Variants in TRIO observed in about 807,000 individuals in gnomAD.
TRIO encodes the protein trio Rho guanine nucleotide exchange factor.
In TRIO, 58 loss-of-function variants were observed where a neutral mutation model predicts 351.9. The observed-to-expected ratio is 0.16, with a 90% CI of 0.13 to 0.21. TRIO has a LOEUF of 0.21. Among genes scored for constraint, TRIO ranks in the 10% least tolerant of loss-of-function variants. The pLI is 1.00. For missense variants in TRIO, 3,201 were observed against 4,027.8 expected, an observed-to-expected ratio of 0.79 and a Z score of 5.56; for synonymous variants, 1,758 against 1,595.7, an observed-to-expected ratio of 1.10 and a Z score of -2.42.
intron 2 of TRIO, among the ~76,000 whole-genome samples, chr5:14,277,536 C>T (rs1735641324): frequency 1.3e-5 from 2 of 152,140 alleles, no homozygotes; most frequent in South Asian, 2.1e-4. Flanking sequence ...ACATCTGTCC[C>T]GCCTGCCTCA....
intron 1 of TRIO, among the ~76,000 whole-genome samples, chr5:14,253,387 G>A (rs79434957): frequency 0.12 from 17,919 of 152,186 alleles, 1,444 homozygotes; most frequent in African/African-American, 0.22. Context: ...GACATCTCTC[G>A]CCCTGTCACC....
At chr5:14,169,261 C>T (rs954260684) in intron 1 of TRIO, among the ~76,000 whole-genome samples, 2 of 149,024 alleles carry the variant, frequency 1.3e-5, no homozygotes, top group East Asian at 3.9e-4. Flanking sequence ...ATTTTTACAT[C>T]ACGTTCTTCC....
At chr5:14,275,924 T>TTA (rs991706288) in intron 2 of TRIO, among the ~76,000 whole-genome samples, 2 of 147,808 alleles carry the variant, frequency 1.4e-5, no homozygotes, top group African/African-American at 4.9e-5. Context: ...ATATGTATGT[T>TTA]TATATATATG....
rs141878606 is a variant in TRIO at position 14,243,633 on chromosome 5, C to T, written c.158-27192C>T. On this transcript the variant is annotated intron_variant, in intron 1 of 56. Transcript: ENST00000344204. ...AAATTATTCCATAGGAGGGTATAAG[C>T]CAAACTAGTTTTTCCCCAGCATTTG... Among the ~76,000 whole-genome samples the T allele has an allele frequency of 1.2e-3, 190 of 152,128 alleles. No homozygotes were observed. In the East Asian group the frequency reaches 0.013, roughly 10 times the overall value.
chr5:14,404,643 C>T (rs374765301), intron 31 of TRIO, among the ~76,000 whole-genome samples: 6 of 152,104 alleles, frequency 3.9e-5, no homozygotes, highest in East Asian at 3.9e-4. Context: ...TTACTTTCCC[C>T]CCGCTTTCCC....
intron 9 of TRIO, among the ~76,000 whole-genome samples, chr5:14,328,321 C>G (rs777467946): frequency 3.9e-5 from 6 of 152,230 alleles, no homozygotes; most frequent in Non-Finnish European, 7.3e-5. Flanking sequence ...GCTCAATACA[C>G]TAGTTAAAAC....
chr5:14,502,483 C>A, intron 53 of TRIO, 96 bp from the exon 54 acceptor site: 2 of 1,255,144 alleles, frequency 1.6e-6, no homozygotes, highest in East Asian at 4.7e-5. Context: ...CCGGTGGCCA[C>A]GCGCAGCTGC....
intron 33 of TRIO, among the ~76,000 whole-genome samples, chr5:14,416,092 G>A (rs1749618502): frequency 6.6e-6 from 1 of 150,606 alleles, no homozygotes; most frequent in African/African-American, 2.5e-5. Flanking sequence ...GAAAGAAAAG[G>A]GAATTTTTAA....
At chr5:14,270,968 A>G in intron 2 of TRIO, 69 bp downstream of exon 2, 1 of 1,110,496 alleles carries the variant, frequency 9.0e-7, no homozygotes, top group Non-Finnish European at 1.3e-6. Context: ...GACGTAATAA[A>G]TGAACTCACC....
At chr5:14,404,758 A>G (rs1748557233) in intron 31 of TRIO, among the ~76,000 whole-genome samples, 1 of 151,950 alleles carries the variant, frequency 6.6e-6, no homozygotes, top group Admixed American at 6.6e-5. Flanking sequence ...TTTACCCATC[A>G]TTTCTTTTCC....
chr5:14,245,596 A>G (rs1001585540), intron 1 of TRIO, among the ~76,000 whole-genome samples: 1 of 152,210 alleles, frequency 6.6e-6, no homozygotes, highest in Non-Finnish European at 1.5e-5. Context: ...TGAATTGGAG[A>G]TGCCTCGGCG....
intron 34 of TRIO, among the ~76,000 whole-genome samples, chr5:14,421,198 T>C (rs1750099505): frequency 6.7e-6 from 1 of 149,806 alleles, no homozygotes; most frequent in Admixed American, 6.6e-5. Flanking sequence ...TCCATTTTTT[T>C]CTTTTTTCCC....
intron 9 of TRIO, among the ~76,000 whole-genome samples, chr5:14,321,954 A>G (rs190811871): frequency 5.3e-5 from 8 of 152,330 alleles, no homozygotes; most frequent in Admixed American, 5.2e-4. Context: ...AGGCCTCCCT[A>G]GCCATGCTGA....
At position 14,424,909 on chromosome 5, in the gene TRIO, T is replaced by G. The variant is rs1167529933; in HGVS notation, c.5203+4888T>G. 3.3e-5 allele frequency among the ~76,000 whole-genome samples: 5 copies of G among 152,244 alleles called. No individual in the cohort carries two copies. The South Asian group carries it at 8.3e-4, about 25-fold the overall frequency. ...CCAAGGGTTTTCTTGTCCACCCGAA[T>G]AGTTTACTTTTCCACTTGACTGTCT... On this transcript the variant is annotated intron_variant, in intron 34 of 56. Transcript: ENST00000344204.
chr5:14,507,230 C>G lies in TRIO; in HGVS notation c.8721C>G (p.His2907Gln). 6.2e-7 allele frequency: 1 copy of G among 1,611,864 alleles called. No individual in the cohort carries two copies. The highest frequency in any genetic ancestry group is 8.5e-7 in the Non-Finnish European group (1 of 1,179,894). Residue 2907 changes from histidine (H) to glutamine (Q), a missense_variant, in exon 56 of 57, where the codon CAC becomes CAG. Physicochemically the swap from His to Gln is conservative, Grantham distance 24. Around this residue, in one of 19 missense-constraint regions of TRIO, gnomAD observed 233 missense variants for 292.6 expected, o/e 0.80. Transcript: ENST00000344204. ...GEVLEAVRYL[H>Q]NCRIAHLDLK... is the part of the protein sequence containing the mutation. ...TTCTGGAAGCTGTCCGGTACCTGCA[C>G]AACTGCAGGATAGCACACCTGGACC...
intron 6 of TRIO, among the ~76,000 whole-genome samples, chr5:14,294,482 CCATT>C (rs1203729776): frequency 6.6e-6 from 1 of 152,118 alleles, no homozygotes; most frequent in Admixed American, 6.5e-5. Flanking sequence ...TGGCAAGAGA[CCATT>C]CAGTCTGCTA....
chr5:14,421,106 A>G (rs1159928316), intron 34 of TRIO, among the ~76,000 whole-genome samples: 1 of 151,954 alleles, frequency 6.6e-6, no homozygotes, highest in Non-Finnish European at 1.5e-5. Context: ...CTAATGCCCT[A>G]TTTTTACCAA....
chr5:14,192,081 C>T (rs1308762575), intron 1 of TRIO, among the ~76,000 whole-genome samples: 1 of 152,108 alleles, frequency 6.6e-6, no homozygotes, highest in African/African-American at 2.4e-5. Context: ...AAGAATATAT[C>T]TAGCATTAGT....
chr5:14,249,134 A>G (rs1022459873), intron 1 of TRIO, among the ~76,000 whole-genome samples: 4 of 152,256 alleles, frequency 2.6e-5, no homozygotes, highest in Non-Finnish European at 5.9e-5. Flanking sequence ...TTTCAGAGGT[A>G]GATGCATGGC....
Sources: allele counts gnomAD v4.1 joint callset (sites outside exome capture counted in the v4.1 genomes callset), GRCh38; gene constraint gnomAD v4.1.1; regional missense constraint gnomAD v4.1.1; transcripts MANE v1.5; gene names NCBI Gene and HGNC (gene_info 2026-07-23, HGNC 2026-07-21).